The following LMX1A variants were observed in gnomAD, a reference collection of about 807,000 sequenced individuals.
LMX1A encodes LIM homeobox transcription factor 1 alpha.
In LMX1A, 15 loss-of-function variants were observed where a neutral mutation model predicts 49.1. The ratio of observed to expected loss-of-function variants is 0.31; its 90% CI spans 0.20 to 0.47. The LOEUF is 0.47. Among genes scored for constraint, LMX1A ranks in the 20% least tolerant of loss-of-function variants. The pLI is 1.00. For missense variants in LMX1A, 372 were observed against 475.8 expected (o/e 0.78, Z 2.03); for synonymous variants, 167 against 185.7 (o/e 0.90, Z 0.82).
At chr1:165,229,512 C>T (rs1478316834) in intron 4 of LMX1A, among the ~76,000 whole-genome samples, 1 of 152,232 alleles carries the variant, frequency 6.6e-6, no homozygotes, top group Non-Finnish European at 1.5e-5. Flanking sequence ...ACTAAACCTA[C>T]TTCTACCAGT....
intron 3 of LMX1A, among the ~76,000 whole-genome samples, chr1:165,316,430 AG>A (rs1310214381): frequency 3.3e-5 from 5 of 152,220 alleles, no homozygotes; most frequent in African/African-American, 1.2e-4. Flanking sequence ...TGAGGACTGG[AG>A]GTCCTGGGGG....
At chr1:165,289,215 G>A (rs1654389661) in intron 3 of LMX1A, among the ~76,000 whole-genome samples, 1 of 147,532 alleles carries the variant, frequency 6.8e-6, no homozygotes, top group African/African-American at 2.5e-5. Flanking sequence ...TGAAATGTGT[G>A]CTCAAGTGCT....
rs573199114 is a variant in LMX1A, at chr1:165,356,549, G to A, written c.-217C>T. ...CCTCGGCGCGCCCAGGCTGGGCCGG[G>A]ACGTGGTCGCGAGCTGCCGGCCTTC... On this transcript the variant is annotated 5_prime_UTR_variant, in exon 1 of 9. Coordinates refer to ENST00000342310, the MANE Select transcript of LMX1A (RefSeq NM_177398.4). 3.9e-5 allele frequency: 6 copies of A among 152,308 alleles called. No individual in the cohort carries two copies. The South Asian group carries it at 1.2e-3, about 32-fold the overall frequency. The allele number at this position is 152,308 out of a possible 1,614,324, so 9.4% of individuals were successfully genotyped here. A position where few individuals can be genotyped will look rare whatever the true frequency, so the allele number is the denominator to read the frequency against.
At chr1:165,290,334 G>A (rs976266458) in intron 3 of LMX1A, among the ~76,000 whole-genome samples, 1 of 152,172 alleles carries the variant, frequency 6.6e-6, no homozygotes, top group Non-Finnish European at 1.5e-5. Flanking sequence ...GAGGCTTAAG[G>A]GAAGATTCCA....
At chr1:165,307,931 C>A (rs532206637) in intron 3 of LMX1A, among the ~76,000 whole-genome samples, 1 of 152,282 alleles carries the variant, frequency 6.6e-6, no homozygotes, top group South Asian at 2.1e-4. Flanking sequence ...AGGCCACCAA[C>A]CATGGCTACA....
intron 3 of LMX1A, among the ~76,000 whole-genome samples, chr1:165,315,688 GC>G (rs752272197): frequency 4.0e-4 from 61 of 152,172 alleles, no homozygotes; most frequent in Admixed American, 9.8e-4. Flanking sequence ...TTGAGATCTG[GC>G]CCCCTCTACC....
intron 3 of LMX1A, among the ~76,000 whole-genome samples, chr1:165,279,163 T>C (rs115991112): frequency 2.6e-5 from 4 of 152,368 alleles, no homozygotes; most frequent in Non-Finnish European, 4.4e-5. Context: ...TCACTTTGGA[T>C]TGCAAACTTA....
rs148755401 is a variant in LMX1A at position 165,208,199 on chromosome 1, G to A, written c.748-67C>T. On this transcript the variant is annotated intron_variant, in intron 6 of 8. Transcript: ENST00000342310. ...GCAGCATGTTCACAAAGTAAGGGGGGGCCTGGAAGTGACACCTTCCCCGGG... is the reference window on the plus strand; with the variant it reads ...GCAGCATGTTCACAAAGTAAGGGGGAGCCTGGAAGTGACACCTTCCCCGGG... The A allele has an allele frequency of 4.0e-3, 5,801 of 1,455,718 alleles. 36 individuals are homozygous for A. Among genetic ancestry groups the A allele is most frequent in the Non-Finnish European group, 3.9e-3 (4,037 of 1,042,764 alleles). The allele number at this position is 1,455,718 out of a possible 1,614,324, so 90.2% of individuals were successfully genotyped here.
intron 3 of LMX1A, among the ~76,000 whole-genome samples, chr1:165,295,001 T>G (rs1161600888): frequency 6.6e-6 from 1 of 152,276 alleles, no homozygotes. Flanking sequence ...AACATTTGCA[T>G]GCAATTATAG....
intron 3 of LMX1A, among the ~76,000 whole-genome samples, chr1:165,307,413 C>A (rs537709203): frequency 6.6e-6 from 1 of 152,196 alleles, no homozygotes; most frequent in East Asian, 1.9e-4. Flanking sequence ...GCCAAGGTGC[C>A]AGATAGGTAG....
At position 165,335,750 on chromosome 1, in the gene LMX1A, G is replaced by A. The variant is rs112492372; in HGVS notation, c.263+17326C>T. Among the ~76,000 whole-genome samples the A allele has an allele frequency of 6.6e-5, 10 of 152,232 alleles. 1 individual carries two copies. The highest frequency in any genetic ancestry group is 2.2e-4 in the African/African-American group (9 of 41,558). ...AGTTTGTATAAATCAACAAGGGCAA[G>A]TATATTTTATCTTCTATTTGAAGCT... On this transcript the variant is annotated intron_variant, in intron 3 of 8. Coordinates refer to ENST00000342310, the MANE Select transcript of LMX1A (RefSeq NM_177398.4).
intron 7 of LMX1A, among the ~76,000 whole-genome samples, chr1:165,206,901 G>A (rs2102594581): frequency 6.6e-6 from 1 of 152,254 alleles, no homozygotes; most frequent in East Asian, 1.9e-4. Context: ...AAGAAACTAA[G>A]GGAACTCTTG....
intron 4 of LMX1A, among the ~76,000 whole-genome samples, chr1:165,227,423 C>G (rs898506244): frequency 1.3e-5 from 2 of 152,166 alleles, no homozygotes; most frequent in Non-Finnish European, 2.9e-5. Context: ...CACCTGTAAT[C>G]CCAGTTACTT....
At chr1:165,333,127 T>C (rs1420679679) in intron 3 of LMX1A, among the ~76,000 whole-genome samples, 4 of 152,220 alleles carry the variant, frequency 2.6e-5, no homozygotes, top group Non-Finnish European at 5.9e-5. Flanking sequence ...TAGGCCTTTA[T>C]TCTTACCTCT....
chr1:165,260,184 A>C (rs1436091941), intron 3 of LMX1A, among the ~76,000 whole-genome samples: 1 of 152,208 alleles, frequency 6.6e-6, no homozygotes, highest in African/African-American at 2.4e-5. Flanking sequence ...GACACTCTTA[A>C]ACATACCCAG....
At chr1:165,347,317 C>T (rs79896350) in intron 3 of LMX1A, among the ~76,000 whole-genome samples, 28 of 152,310 alleles carry the variant, frequency 1.8e-4, no homozygotes, top group African/African-American at 6.0e-4. Flanking sequence ...AGTGACTGTC[C>T]TAATGTTCCT....
At chr1:165,212,192 C>T (rs1651431149) in intron 5 of LMX1A, among the ~76,000 whole-genome samples, 1 of 152,242 alleles carries the variant, frequency 6.6e-6, no homozygotes, top group Admixed American at 6.5e-5. Context: ...ATCTATCCTT[C>T]CCTCCCCTGC....
chr1:165,247,040 C>T (rs1052333453), intron 4 of LMX1A, among the ~76,000 whole-genome samples: 1 of 50,328 alleles, frequency 2.0e-5, no homozygotes, highest in African/African-American at 7.7e-5. Flanking sequence ...TTACTTAGAT[C>T]AGATCAGCTT....
chr1:165,246,904 A>C (rs1159453951), intron 4 of LMX1A, among the ~76,000 whole-genome samples: 1 of 110,146 alleles, frequency 9.1e-6, no homozygotes, highest in East Asian at 2.2e-4. Flanking sequence ...GGAAAGCTCC[A>C]ATATGTCAAT....
Sources: gnomAD v4.1 joint callset for allele counts (sites outside exome capture counted in the v4.1 genomes callset) on GRCh38, gnomAD v4.1.1 for gene constraint, MANE v1.5 for transcripts, NCBI Gene and HGNC (gene_info 2026-07-23, HGNC 2026-07-21) for gene names.